The following TUSC3 variants were observed in gnomAD, a reference collection of about 807,000 sequenced individuals.
The protein encoded by TUSC3 is dolichyl-diphosphooligosaccharide--protein glycosyltransferase subunit TUSC3.
Under a neutral mutation model 44.8 loss-of-function variants are expected in TUSC3, and 45 were observed. That is an observed-to-expected ratio of 1.00 (90% CI 0.79 to 1.29). The LOEUF is 1.29. TUSC3 is among the 50% of genes most tolerant of loss of function. The pLI is 0.00. For missense variants in TUSC3, 519 were observed against 437.9 expected (o/e 1.19, Z -1.65); for synonymous variants, 212 against 152.9 (o/e 1.39, Z -2.85).
chr8:15,627,555 A>G (rs1805570821), intron 2 of TUSC3, among the ~76,000 whole-genome samples: 1 of 152,250 alleles, frequency 6.6e-6, no homozygotes, highest in African/African-American at 2.4e-5. Context: ...AGAGAAGAAG[A>G]GAATAGCTGT....
the TUSC3 span, among the ~76,000 whole-genome samples, chr8:15,829,623 TTATC>T: frequency 2.0e-5 from 3 of 152,230 alleles, no homozygotes; most frequent in African/African-American, 7.2e-5. Flanking sequence ...TTTTATTAGT[TTATC>T]AATCTTTTCT....
At chr8:15,807,186 C>A in the TUSC3 span, 5 of 769,700 alleles carry the variant, frequency 6.5e-6, no homozygotes, top group Admixed American at 7.1e-5. Context: ...CATTTCAATA[C>A]GTCAACCTTG....
chr8:15,686,371 A>G (rs1241715469), intron 6 of TUSC3, among the ~76,000 whole-genome samples: 1 of 152,062 alleles, frequency 6.6e-6, no homozygotes, highest in Non-Finnish European at 1.5e-5. Flanking sequence ...ATAGTCCAAA[A>G]ATTTTCACTG....
At chr8:15,485,967 T>C (rs1049788323) in intron 2 of TUSC3, among the ~76,000 whole-genome samples, 21 of 152,044 alleles carry the variant, frequency 1.4e-4, no homozygotes, top group Non-Finnish European at 2.8e-4. Flanking sequence ...ATTTTTTTTG[T>C]ATATTTAGTA....
chr8:15,847,310 A>C, the TUSC3 span, among the ~76,000 whole-genome samples: 2 of 152,258 alleles, frequency 1.3e-5, no homozygotes, highest in South Asian at 2.1e-4. Flanking sequence ...CACTTGGTTA[A>C]TTTCTCTTTA....
At chr8:15,775,223 A>C in the TUSC3 span, among the ~76,000 whole-genome samples, 1 of 152,188 alleles carries the variant, frequency 6.6e-6, no homozygotes, top group African/African-American at 2.4e-5. Flanking sequence ...CACATAGTAT[A>C]TCATTCCTTT....
chr8:15,809,974 G>A, the TUSC3 span, among the ~76,000 whole-genome samples: 1 of 152,192 alleles, frequency 6.6e-6, no homozygotes, highest in Non-Finnish European at 1.5e-5. Flanking sequence ...TAAAATGCAA[G>A]TTCCAGTTAA....
intron 1 of TUSC3, among the ~76,000 whole-genome samples, chr8:15,621,454 T>C (rs1338520019): frequency 6.7e-6 from 1 of 149,574 alleles, no homozygotes; most frequent in Non-Finnish European, 1.5e-5. Flanking sequence ...GTTATCATTT[T>C]CAGTTTAATA....
chr8:15,831,965 A>T, the TUSC3 span, among the ~76,000 whole-genome samples: 1 of 152,168 alleles, frequency 6.6e-6, no homozygotes, highest in Non-Finnish European at 1.5e-5. Context: ...TACTTCAAAG[A>T]AGATTATGCC....
At chr8:15,559,618 T>C (rs1390833218) in intron 1 of TUSC3, among the ~76,000 whole-genome samples, 2 of 139,640 alleles carry the variant, frequency 1.4e-5, no homozygotes, top group African/African-American at 2.6e-5. Context: ...AAGTCTCCCA[T>C]TATTAATGTG....
At chr8:15,700,895 C>T (rs12682254) in intron 6 of TUSC3, among the ~76,000 whole-genome samples, 68,930 of 129,708 alleles carry the variant, frequency 0.53, 19,431 homozygotes, top group Non-Finnish European at 0.64. Context: ...TTCTGGGTTG[C>T]CCACTTCTCC....
At chr8:15,586,119 G>T (rs1471268740) in intron 1 of TUSC3, among the ~76,000 whole-genome samples, 2 of 152,110 alleles carry the variant, frequency 1.3e-5, no homozygotes, top group Non-Finnish European at 2.9e-5. Context: ...AAATAATTAT[G>T]TTCATATAAG....
At chr8:15,769,022 T>C (rs919410711), downstream of TUSC3, among the ~76,000 whole-genome samples, 4 of 152,242 alleles carry the variant, frequency 2.6e-5, no homozygotes, top group Middle Eastern at 3.4e-3. Context: ...ATAGATTAAA[T>C]GCTATCCATC....
chr8:15,611,678 A>G (rs556651183), intron 1 of TUSC3, among the ~76,000 whole-genome samples: 1 of 152,252 alleles, frequency 6.6e-6, no homozygotes, highest in Admixed American at 6.5e-5. Context: ...TTTACTGTAT[A>G]GCTCATTGTG....
At chr8:15,474,528 G>A (rs1470890750) in intron 1 of TUSC3, among the ~76,000 whole-genome samples, 2 of 152,094 alleles carry the variant, frequency 1.3e-5, no homozygotes, top group Non-Finnish European at 2.9e-5. Flanking sequence ...GTAGATTGCT[G>A]ACACAGTAAT....
At chr8:15,420,039 C>T (rs1306781925) in intron 1 of TUSC3, among the ~76,000 whole-genome samples, 2 of 151,932 alleles carry the variant, frequency 1.3e-5, no homozygotes, top group South Asian at 4.2e-4. Context: ...CTGTGGATAG[C>T]AGGAAATAAA....
At chr8:15,619,499 T>A (rs868591516) in intron 1 of TUSC3, among the ~76,000 whole-genome samples, 14 of 152,194 alleles carry the variant, frequency 9.2e-5, no homozygotes, top group Admixed American at 7.9e-4. Context: ...CCATATATTT[T>A]TTTTTTTTTC....
At chr8:15,618,006 G>T (rs576144133) in intron 1 of TUSC3, among the ~76,000 whole-genome samples, 1 of 152,262 alleles carries the variant, frequency 6.6e-6, no homozygotes, top group South Asian at 2.1e-4. Flanking sequence ...AACACAATAA[G>T]AAGTATTTAT....
At chr8:15,820,039 T>C in the TUSC3 span, among the ~76,000 whole-genome samples, 3 of 152,196 alleles carry the variant, frequency 2.0e-5, no homozygotes, top group African/African-American at 7.2e-5. Context: ...GAACTGTTCC[T>C]AGTTTGCTGA....
Sources: allele counts gnomAD v4.1 joint callset (sites outside exome capture counted in the v4.1 genomes callset), GRCh38; gene constraint gnomAD v4.1.1; transcripts MANE v1.5; gene names NCBI Gene and HGNC (gene_info 2026-07-23, HGNC 2026-07-21).